The following UPRT variants were observed in gnomAD, a reference collection of about 807,000 sequenced individuals.
UPRT encodes the protein uracil phosphoribosyltransferase homolog.
A neutral mutation model predicts 22.6 loss-of-function variants in UPRT; 5 were observed. That is an observed-to-expected ratio of 0.22 (90% CI 0.12 to 0.47). The LOEUF is 0.47. Ranked by LOEUF, UPRT falls within the 20% of genes least tolerant of loss-of-function variation. The pLI is 0.99. For synonymous variants in UPRT, 77 were observed against 87.7 expected (o/e 0.88, Z 0.68); for missense variants, 181 against 239.9 (o/e 0.75, Z 1.62).
At chrX:75,180,702 T>G (rs926042520) in intron 4 of UPRT, among the ~76,000 whole-genome samples, 16 of 94,183 alleles carry the variant, frequency 1.7e-4, no homozygotes, top group African/African-American at 3.9e-4. Flanking sequence ...TTTGTTTTTT[T>G]TTTTTTTTTT....
chrX:75,204,949 G>T (rs1222830310), intron 4 of UPRT, among the ~76,000 whole-genome samples: 3 of 111,051 alleles, frequency 2.7e-5, no homozygotes, highest in African/African-American at 9.8e-5. Flanking sequence ...AGAAAAAGGA[G>T]ATTTGAGTAG....
chrX:75,232,558 A>G lies in UPRT; in HGVS notation c.-446-58466A>G, dbSNP rs781179893. ...CCTGTCTGACAGCTTTGAAGAGAGC[A>G]GTGGTTCTCCCAGCACGCAGCTGGA... On this transcript the variant is annotated intron_variant, in intron 4 of 13. Transcript: ENST00000652605. Among the ~76,000 whole-genome samples the G allele has an allele frequency of 7.1e-5, 8 of 112,436 alleles. No individual in the cohort carries two copies. In the East Asian group the frequency reaches 1.1e-3, roughly 16 times the overall value.
intron 4 of UPRT, among the ~76,000 whole-genome samples, chrX:75,267,930 T>C (rs975338942): frequency 1.8e-5 from 2 of 110,222 alleles, no homozygotes; most frequent in Non-Finnish European, 3.8e-5. Context: ...CTGAAGGAGA[T>C]AGAGACACAA....
chrX:75,166,378 A>G (rs915950376), intron 3 of UPRT, among the ~76,000 whole-genome samples: 1 of 111,902 alleles, frequency 8.9e-6, no homozygotes, highest in Non-Finnish European at 1.9e-5. Flanking sequence ...TCCACTCAGT[A>G]GGGATAGTGT....
intron 4 of UPRT, among the ~76,000 whole-genome samples, chrX:75,261,953 G>A (rs181766123): frequency 1.8e-5 from 2 of 110,834 alleles, no homozygotes; most frequent in African/African-American, 3.3e-5. Context: ...GATACTCCTC[G>A]AGAAGAGAAA....
chrX:75,296,198 A>G, intron 2 of UPRT, 144 bp from the exon 3 acceptor site: 1 of 458,915 alleles, frequency 2.2e-6, no homozygotes, highest in Non-Finnish European at 3.7e-6. Context: ...TATCTAACAC[A>G]TGATAGGGGG....
intron 4 of UPRT, among the ~76,000 whole-genome samples, chrX:75,203,741 G>T (rs764965010): frequency 9.0e-6 from 1 of 111,264 alleles, no homozygotes; most frequent in Non-Finnish European, 1.9e-5. Context: ...TCTGGCCCTT[G>T]TTCTGTTGGA....
At chrX:75,298,095 C>T (rs749464323) in intron 4 of UPRT, among the ~76,000 whole-genome samples, 8 of 108,424 alleles carry the variant, frequency 7.4e-5, no homozygotes, top group African/African-American at 1.0e-4. Context: ...CCTCCCACCT[C>T]AGCCTCCTGA....
chrX:75,178,422 G>C (rs1490717641), intron 4 of UPRT, among the ~76,000 whole-genome samples: 1 of 111,968 alleles, frequency 8.9e-6, no homozygotes, highest in African/African-American at 3.2e-5. Context: ...ACCGCTTGGC[G>C]ATAGGCGAAA....
chrX:75,267,109 A>T (rs1170171717), intron 4 of UPRT, among the ~76,000 whole-genome samples: 1 of 111,933 alleles, frequency 8.9e-6, no homozygotes, highest in African/African-American at 3.2e-5. Flanking sequence ...AAGGATTATA[A>T]ATCATGCTGC....
chrX:75,198,370 T>G (rs190452891), intron 4 of UPRT, among the ~76,000 whole-genome samples: 3 of 112,407 alleles, frequency 2.7e-5, no homozygotes, highest in African/African-American at 9.7e-5. Context: ...GCATGGTATT[T>G]TCCAAAAGTA....
chrX:75,179,425 C>T (rs774064222), intron 4 of UPRT, among the ~76,000 whole-genome samples: 1 of 113,303 alleles, frequency 8.8e-6, no homozygotes, highest in Admixed American at 9.2e-5. Flanking sequence ...TCCACGTCCC[C>T]ACCAGACTCA....
chrX:75,262,022 G>C (rs749011464), intron 4 of UPRT, among the ~76,000 whole-genome samples: 1 of 111,035 alleles, frequency 9.0e-6, no homozygotes, highest in Admixed American at 9.6e-5. Flanking sequence ...AAATGTTAAG[G>C]GCAGCCAGAG....
intron 4 of UPRT, among the ~76,000 whole-genome samples, chrX:75,240,455 A>G (rs1024944740): frequency 7.1e-5 from 8 of 112,112 alleles, no homozygotes; most frequent in African/African-American, 2.6e-4. Flanking sequence ...TATTGATGAT[A>G]CAAACAAATG....
intron 4 of UPRT, among the ~76,000 whole-genome samples, chrX:75,241,766 C>T (rs918460436): frequency 9.0e-6 from 1 of 111,691 alleles, no homozygotes; most frequent in African/African-American, 3.2e-5. Flanking sequence ...CAATGGCATT[C>T]ACAGCAACCT....
chrX:75,197,609 A>G (rs1461270608), intron 4 of UPRT, among the ~76,000 whole-genome samples: 1 of 112,068 alleles, frequency 8.9e-6, no homozygotes, highest in Non-Finnish European at 1.9e-5. Flanking sequence ...TATATCAGAC[A>G]TAAGACTTGT....
chrX:75,238,391 A>T (rs947876139), intron 4 of UPRT, among the ~76,000 whole-genome samples: 3 of 112,316 alleles, frequency 2.7e-5, no homozygotes, highest in African/African-American at 9.7e-5. Flanking sequence ...AAAGAGGGGC[A>T]TTATATAATG....
intron 1 of UPRT, among the ~76,000 whole-genome samples, chrX:75,157,433 G>A (rs1336517232): frequency 1.8e-5 from 2 of 112,173 alleles, no homozygotes; most frequent in East Asian, 5.6e-4. Context: ...TACACGTAAA[G>A]AAGATGACAT....
At chrX:75,281,031 T>C (rs1319192629) in intron 1 of UPRT, among the ~76,000 whole-genome samples, 1 of 110,700 alleles carries the variant, frequency 9.0e-6, no homozygotes, top group Non-Finnish European at 1.9e-5. Context: ...TTGGCAGCTA[T>C]TGTAGAGGGT....
Sources: gnomAD v4.1 joint callset for allele counts (sites outside exome capture counted in the v4.1 genomes callset) on GRCh38, gnomAD v4.1.1 for gene constraint, MANE v1.5 for transcripts, NCBI Gene and HGNC (gene_info 2026-07-23, HGNC 2026-07-21) for gene names.